The following MSI1 variants were observed in gnomAD, a reference collection of about 807,000 sequenced individuals.
MSI1 encodes the protein RNA-binding protein Musashi homolog 1.
MSI1 carries 15 observed loss-of-function variants against 54.4 expected under a neutral mutation model. The ratio of observed to expected loss-of-function variants is 0.28; its 90% confidence interval spans 0.18 to 0.42. The LOEUF (loss-of-function observed/expected upper bound fraction) is 0.42, where lower values mean the gene tolerates loss of function less well. Ranked by LOEUF, MSI1 falls within the 20% of genes least tolerant of loss-of-function variation. The probability of loss-of-function intolerance (pLI) is 1.00; values close to 1 mark genes in which losing one functional copy is unlikely to be tolerated. For synonymous variants in MSI1, 200 were observed against 196.5 expected (o/e 1.02, Z -0.15); for missense variants, 304 against 506.0 (o/e 0.60, Z 3.83).
At chr12:120,340,366 G>A (rs1873626534), downstream of MSI1, among the ~76,000 whole-genome samples, 1 of 152,230 alleles carries the variant, frequency 6.6e-6, no homozygotes, top group Non-Finnish European at 1.5e-5. Context: ...GTATAGGCGT[G>A]AGCCACCATG....
intron 7 of MSI1, 66 bp from the exon 8 acceptor site, chr12:120,357,964 G>C (rs1875283732): frequency 7.2e-7 from 1 of 1,382,166 alleles, no homozygotes; most frequent in African/African-American, 1.4e-5. Flanking sequence ...CTCAACCCCA[G>C]GTCGTACCAA....
intron 14 of MSI1, 147 bp downstream of exon 14, chr12:120,345,423 C>T (rs183367240): frequency 1.5e-6 from 1 of 666,760 alleles, no homozygotes; most frequent in Admixed American, 2.9e-5. Flanking sequence ...AGCTTTTCAT[C>T]TTTATTGACC....
chr12:120,365,731 A>G (rs1483786533), intron 4 of MSI1, among the ~76,000 whole-genome samples: 3 of 152,184 alleles, frequency 2.0e-5, no homozygotes, highest in Non-Finnish European at 4.4e-5. Context: ...GGCAAGGCAG[A>G]GTGCAGTCTT....
Position 120,345,629 on chromosome 12 carries a change from G to A in MSI1, c.1051C>T (p.Pro351Ser). The A allele has an allele frequency of 1.2e-6, 2 of 1,613,900 alleles. No individual in the cohort carries two copies. The highest frequency in any genetic ancestry group is 1.7e-6 in the Non-Finnish European group (2 of 1,179,940). Residue 351 changes from proline (P) to serine (S), a missense_variant, in exon 14 of 15, where the codon CCT (proline) becomes TCT (serine). Transcript: ENST00000257552. ...STGFGHSLGG[P>S]LIATAFTNGY... ...TTGGTGAAGGCTGTGGCAATCAAAGGGCCCTGAAAAGGAAAGAATTTGACT... is the reference window on the plus strand; with the variant it reads ...TTGGTGAAGGCTGTGGCAATCAAAGAGCCCTGAAAAGGAAAGAATTTGACT...
chr12:120,362,281 G>T (rs1260760626), intron 6 of MSI1, among the ~76,000 whole-genome samples: 1 of 151,990 alleles, frequency 6.6e-6, no homozygotes, highest in East Asian at 1.9e-4. Context: ...TCACCTAAAA[G>T]AAGAAAGACC....
intron 9 of MSI1, among the ~76,000 whole-genome samples, chr12:120,354,660 A>G (rs1215938948): frequency 6.6e-6 from 1 of 152,048 alleles, no homozygotes; most frequent in East Asian, 1.9e-4. Context: ...CGAACTCCCA[A>G]CCTCAGGTGA....
At chr12:120,343,851 G>C (rs964484300) in intron 14 of MSI1, among the ~76,000 whole-genome samples, 2 of 151,904 alleles carry the variant, frequency 1.3e-5, no homozygotes, top group African/African-American at 4.8e-5. Context: ...ACAAGTCGAG[G>C]TATCCTGTTG....
chr12:120,347,533 G>C lies in MSI1; in HGVS notation c.791-19C>G. ...GGAATGGCTGAAAGGAAAGGGATGG[G>C]CACATCAGCATGGCGGTGAGGGGCA... is the stretch of plus-strand genomic sequence containing the variant. On this transcript the variant is annotated intron_variant, in intron 11 of 14. Coordinates refer to ENST00000257552, the MANE Select transcript of MSI1 (RefSeq NM_002442.4). The C allele has an allele frequency of 6.2e-7, 1 of 1,614,006 alleles. No individual in the cohort carries two copies. Among genetic ancestry groups the C allele is most frequent in the Non-Finnish European group, 8.5e-7 (1 of 1,179,998 alleles).
intron 4 of MSI1, 128 bp from the exon 5 acceptor site, chr12:120,364,883 C>T (rs1875920640): frequency 1.4e-6 from 1 of 726,794 alleles, no homozygotes; most frequent in Admixed American, 2.9e-5. Flanking sequence ...ACAAAAGCCT[C>T]TAGGAGGAGA....
intron 11 of MSI1, among the ~76,000 whole-genome samples, chr12:120,350,282 C>T (rs1874482504): frequency 6.6e-6 from 1 of 152,194 alleles, no homozygotes; most frequent in African/African-American, 2.4e-5. Context: ...CTGCTTTGGC[C>T]TCTCAGAGTG....
In MSI1 at chr12:120,342,874, A is replaced by T. The variant is rs1419043517; in HGVS notation, c.*253T>A. ...CAACCGGCTAATCCAAAATAAATAA[A>T]AGCAGGGCCGGGAGAGGGGCGGGTG... On this transcript the variant is annotated 3_prime_UTR_variant, in exon 15 of 15. Coordinates refer to ENST00000257552, the MANE Select transcript of MSI1 (RefSeq NM_002442.4). 1.7e-5 allele frequency: 2 copies of T among 119,608 alleles called. No homozygotes were observed. Among genetic ancestry groups the T allele is most frequent in the African/African-American group, 6.4e-5 (2 of 31,450 alleles). The allele number at this position is 119,608 out of a possible 1,614,324, so 7.4% of individuals were successfully genotyped here.
At chr12:120,345,492 G>A (rs1592921575) in intron 14 of MSI1, 78 bp downstream of exon 14, 1 of 1,296,084 alleles carries the variant, frequency 7.7e-7, no homozygotes, top group East Asian at 2.3e-5. Flanking sequence ...CAGGGATGGG[G>A]TCTGTGTCCC....
At position 120,359,043 on chromosome 12, in the gene MSI1, G is replaced by C; in HGVS notation, c.413C>G (p.Ala138Gly). The C allele has an allele frequency of 6.4e-7, 1 of 1,558,384 alleles. No individual in the cohort carries two copies. Among genetic ancestry groups the C allele is most frequent in the Non-Finnish European group, 8.7e-7 (1 of 1,150,676 alleles). Residue 138 changes from alanine (A) to glycine (G), a missense_variant, in exon 7 of 15, where the codon GCC becomes GGC. Physicochemically the swap from Ala to Gly is moderately conservative, Grantham distance 60. This residue lies in a region of MSI1 where 105 missense variants were observed against 230.1 expected (regional missense o/e 0.46). Transcript: ENST00000257552. Reference protein sequence around the residue: ...YFEQFGKVDDAMLMFDKTTNR... With the variant: ...YFEQFGKVDDGMLMFDKTTNR... ...GGTGGTTTTGTCAAACATCAGCATG[G>C]CGTCGTCCACCTGAAACACAGCCCG...
At chr12:120,347,555 G>A (rs1182045453) in intron 11 of MSI1, 41 bp from the exon 12 acceptor site, 1 of 1,611,838 alleles carries the variant, frequency 6.2e-7, no homozygotes, top group Non-Finnish European at 8.5e-7. Flanking sequence ...GGCGGTGAGG[G>A]GCAGAGATGG....
intron 4 of MSI1, among the ~76,000 whole-genome samples, chr12:120,366,677 CT>C (rs1876037371): frequency 6.6e-6 from 1 of 152,164 alleles, no homozygotes; most frequent in Non-Finnish European, 1.5e-5. Flanking sequence ...TCAAAATAGA[CT>C]CCCCACAGTA....
chr12:120,368,368 G>A lies in MSI1; in HGVS notation c.101-95C>T, dbSNP rs551471456. ...CCGGTGACCCCGGAGCGGCCCGGCC[G>A]CCCCCGCGCCAAGCTGCCCGCGCGT... is the stretch of plus-strand genomic sequence containing the variant. On this transcript the variant is annotated intron_variant, in intron 2 of 14. Coordinates refer to ENST00000257552, the MANE Select transcript of MSI1 (RefSeq NM_002442.4). This position sits in a 1 kb window ranked among gnomAD's most constrained non-coding sequence, Gnocchi z 6.6. The A allele has an allele frequency of 5.5e-6, 7 of 1,272,490 alleles. No homozygotes were observed. In the African/African-American group the frequency reaches 8.1e-5, roughly 15 times the overall value. 78.8% of individuals were successfully genotyped at this position (1,272,490 alleles called of 1,614,324 possible). A position where few individuals can be genotyped will look rare whatever the true frequency, so the allele number is the denominator to read the frequency against.
At chr12:120,347,602 C>T (rs1161245654) in intron 11 of MSI1, 88 bp from the exon 12 acceptor site, 19 of 1,519,552 alleles carry the variant, frequency 1.3e-5, no homozygotes, top group Non-Finnish European at 9.1e-7. Context: ...AGAGCCTGTC[C>T]AGCCTGGCCC....
At chr12:120,356,384 G>A (rs1299565026) in intron 9 of MSI1, among the ~76,000 whole-genome samples, 3 of 151,918 alleles carry the variant, frequency 2.0e-5, no homozygotes, top group Admixed American at 1.3e-4. Flanking sequence ...TACTCCACCC[G>A]CAGACTCAAC....
chr12:120,351,478 C>A, intron 10 of MSI1, 78 bp from the exon 11 acceptor site: 1 of 1,312,324 alleles, frequency 7.6e-7, no homozygotes, highest in South Asian at 1.3e-5. Context: ...CAAATGCACC[C>A]ACAGGGACAC....
Sources: allele counts gnomAD v4.1 joint callset (sites outside exome capture counted in the v4.1 genomes callset), GRCh38; gene constraint gnomAD v4.1.1; regional missense constraint gnomAD v4.1.1; non-coding constraint Gnocchi (gnomAD v3.1); transcripts MANE v1.5; gene names NCBI Gene and HGNC (gene_info 2026-07-23, HGNC 2026-07-21).